Variants in ACCSL observed in about 807,000 individuals in gnomAD.
ACCSL encodes the protein 1-aminocyclopropane-1-carboxylate synthase homolog (inactive) like, also known as probable inactive 1-aminocyclopropane-1-carboxylate synthase-like protein 2.
Under a neutral mutation model 61.7 loss-of-function variants are expected in ACCSL, and 55 were observed. The observed-to-expected ratio is 0.89, with a 90% confidence interval of 0.72 to 1.12. The LOEUF is 1.12. Among genes scored for constraint, ACCSL ranks in the 50% most tolerant of loss-of-function variants. The pLI is 0.00. For synonymous variants in ACCSL, 258 were observed against 264.3 expected (o/e 0.98, Z 0.23); for missense variants, 632 against 698.0 (o/e 0.91, Z 1.07).
chr11:44,052,947 C>T (rs1352746686), intron 6 of ACCSL, 44 bp from the exon 7 acceptor site: 1 of 1,583,806 alleles, frequency 6.3e-7, no homozygotes, highest in Non-Finnish European at 8.7e-7. Context: ...GGAATCAAGA[C>T]TTAGATTTTA....
At position 44,055,221 on chromosome 11, in the gene ACCSL, A is replaced by G. The variant is rs770257077; in HGVS notation, c.1069A>G (p.Ile357Val). The stretch of plus-strand genomic sequence containing the variant: ...CTACAGGTATAACCTACATGTGATC[A>G]TAGATGAGATTTACATGCTGTCTGT... ...FAKRYNLHVIIDEIYMLSVFD... is the reference protein window; with the variant it reads ...FAKRYNLHVIVDEIYMLSVFD... Residue 357 changes from isoleucine (I) to valine (V), a missense_variant, in exon 9 of 14, where the codon ATA (isoleucine) becomes GTA (valine). Physicochemically the swap from Ile to Val is conservative, Grantham distance 29. Transcript: ENST00000378832. The G allele has an allele frequency of 4.3e-6, 7 of 1,611,446 alleles. No homozygotes were observed. The highest frequency in any genetic ancestry group is 5.9e-6 in the Non-Finnish European group (7 of 1,177,836).
chr11:44,056,411 C>G (rs17722839), intron 11 of ACCSL, 85 bp downstream of exon 11: 149,653 of 1,478,098 alleles, frequency 0.1, 8,342 homozygotes, highest in Non-Finnish European at 0.11. Flanking sequence ...CTCTGATGTG[C>G]CCTTAATATA....
At chr11:43,949,330 C>T in the ACCSL span, among the ~76,000 whole-genome samples, 1 of 152,112 alleles carries the variant, frequency 6.6e-6, no homozygotes, top group Non-Finnish European at 1.5e-5. Context: ...TGTGTTACAA[C>T]GGTCTGCTGG....
chr11:44,032,800 A>T, the ACCSL span, among the ~76,000 whole-genome samples: 4 of 152,194 alleles, frequency 2.6e-5, no homozygotes, highest in Non-Finnish European at 5.9e-5. Context: ...ATCAAGGAAA[A>T]GCCCTCCTGC....
chr11:43,954,881 G>A, the ACCSL span, among the ~76,000 whole-genome samples: 2 of 152,060 alleles, frequency 1.3e-5, no homozygotes, highest in Non-Finnish European at 2.9e-5. Context: ...CACCGTGCCC[G>A]GCCCTGTATC....
chr11:43,952,338 T>TC, the ACCSL span, among the ~76,000 whole-genome samples: 1 of 152,304 alleles, frequency 6.6e-6, no homozygotes, highest in African/African-American at 2.4e-5. Flanking sequence ...GGTTTTCTGT[T>TC]CCCGTGTCAA....
chr11:44,048,588 C>T, intron 1 of ACCSL, 48 bp downstream of exon 1: 1 of 1,473,736 alleles, frequency 6.8e-7, no homozygotes, highest in Non-Finnish European at 9.2e-7. Context: ...GGGCTCCAGT[C>T]ACTTGGATTT....
the ACCSL span, among the ~76,000 whole-genome samples, chr11:43,970,540 C>T: frequency 6.6e-6 from 1 of 152,184 alleles, no homozygotes. Flanking sequence ...TCTCATTCCT[C>T]ATCAAACTTC....
At chr11:43,935,485 C>G in the ACCSL span, among the ~76,000 whole-genome samples, 1 of 152,212 alleles carries the variant, frequency 6.6e-6, no homozygotes, top group African/African-American at 2.4e-5. Context: ...TAGCCCTGAT[C>G]AGCCCCCCAG....
chr11:44,058,729 A>C, intron 13 of ACCSL, 30 bp downstream of exon 13: 1 of 1,587,054 alleles, frequency 6.3e-7, no homozygotes, highest in Non-Finnish European at 8.6e-7. Context: ...CAATCCTTTA[A>C]AGACGCCCCA....
chr11:44,001,796 T>G, the ACCSL span, among the ~76,000 whole-genome samples: 1 of 147,262 alleles, frequency 6.8e-6, no homozygotes, highest in Non-Finnish European at 1.5e-5. Flanking sequence ...TGTGTGTGTG[T>G]GTGTGTGTGT....
At chr11:43,923,892 G>A in the ACCSL span, among the ~76,000 whole-genome samples, 1 of 152,228 alleles carries the variant, frequency 6.6e-6, no homozygotes, top group African/African-American at 2.4e-5. Context: ...AGAGGCCTGT[G>A]TGTACGACGC....
intron 1 of ACCSL, 103 bp from the exon 2 acceptor site, chr11:44,049,959 T>C (rs1318741707): frequency 1.3e-6 from 2 of 1,485,392 alleles, no homozygotes; most frequent in African/African-American, 1.4e-5. Context: ...TGGATTGAAT[T>C]GCCTCATAGG....
the ACCSL span, among the ~76,000 whole-genome samples, chr11:43,971,749 T>C: frequency 6.6e-6 from 1 of 152,184 alleles, no homozygotes; most frequent in Non-Finnish European, 1.5e-5. Flanking sequence ...CTCAGCTCCC[T>C]GGGCATCATC....
intron 8 of ACCSL, among the ~76,000 whole-genome samples, chr11:44,054,447 C>CTTTTTTT (rs67313576): frequency 2.2e-5 from 3 of 138,420 alleles, no homozygotes; most frequent in Non-Finnish European, 3.1e-5. Context: ...TTCTTTCTTT[C>CTTTTTTT]TTTTTTTTTT....
chr11:44,055,904 AACT>A, intron 9 of ACCSL, 133 bp from the exon 10 acceptor site: 1 of 988,328 alleles, frequency 1.0e-6, no homozygotes, highest in Non-Finnish European at 1.5e-6. Context: ...TAACTGGGAC[AACT>A]GTTTCTTGAG....
chr11:43,974,598 G>T, the ACCSL span, among the ~76,000 whole-genome samples: 1 of 152,156 alleles, frequency 6.6e-6, no homozygotes, highest in East Asian at 1.9e-4. Flanking sequence ...CCCAACACCA[G>T]CCTCCAAGAT....
intron 2 of ACCSL, 49 bp downstream of exon 2, chr11:44,050,170 C>G (rs760902868): frequency 1.3e-6 from 2 of 1,503,830 alleles, no homozygotes; most frequent in African/African-American, 2.8e-5. Context: ...AAGGCTTAGT[C>G]CCCCTAGCGT....
intron 5 of ACCSL, among the ~76,000 whole-genome samples, 163 bp downstream of exon 5, chr11:44,051,882 TG>T (rs1316421015): frequency 6.6e-6 from 1 of 152,174 alleles, no homozygotes; most frequent in Non-Finnish European, 1.5e-5. Context: ...CCTATTTCTG[TG>T]GGAACAAGGG....
Sources: gnomAD v4.1 joint callset for allele counts (sites outside exome capture counted in the v4.1 genomes callset) on GRCh38, gnomAD v4.1.1 for gene constraint, MANE v1.5 for transcripts, NCBI Gene and HGNC (gene_info 2026-07-23, HGNC 2026-07-21) for gene names.